SLCO5A1: variants seen among roughly 807,000 people sequenced by gnomAD.
The protein encoded by SLCO5A1 is solute carrier organic anion transporter family member 5A1.
SLCO5A1 carries 39 observed loss-of-function variants against 65.1 expected under a neutral mutation model. The ratio of observed to expected loss-of-function variants is 0.60; its 90% CI spans 0.46 to 0.78. The LOEUF (loss-of-function observed/expected upper bound fraction) is 0.78. Ranked by LOEUF, SLCO5A1 falls within the 30% of genes least tolerant of loss-of-function variation. The pLI, the probability that SLCO5A1 is intolerant of heterozygous loss-of-function variation, is 0.00. For synonymous variants in SLCO5A1, 438 were observed against 415.7 expected (o/e 1.05, Z -0.65); for missense variants, 1,029 against 1,069.4 (o/e 0.96, Z 0.53).
chr8:69,687,456 G>C (rs952408849), intron 6 of SLCO5A1, among the ~76,000 whole-genome samples: 2 of 152,100 alleles, frequency 1.3e-5, no homozygotes, highest in African/African-American at 4.8e-5. Flanking sequence ...TTTAAATCAG[G>C]TGTAACTTGA....
At chr8:69,795,995 T>C (rs1474544162) in intron 2 of SLCO5A1, among the ~76,000 whole-genome samples, 1 of 152,160 alleles carries the variant, frequency 6.6e-6, no homozygotes, top group Non-Finnish European at 1.5e-5. Context: ...GAGGCATGGC[T>C]GAAGTTGGAG....
rs1163306957 is a variant in SLCO5A1 at position 69,667,843 on chromosome 8, A to C, written c.*5026T>G. On this transcript the variant is annotated 3_prime_UTR_variant, in exon 10 of 10. Transcript: ENST00000260126. The stretch of plus-strand genomic sequence containing the variant: ...AAAAGCACTGAGTATTCCATAGAAA[A>C]GTATCCCCCCTTTCACGCTTCATTT... 1 of 152,262 alleles carries C rather than the reference A, an allele frequency of 6.6e-6. No homozygotes were observed. Among genetic ancestry groups the C allele is most frequent in the African/African-American group, 2.4e-5 (1 of 41,468 alleles). 9.4% of individuals were successfully genotyped at this position (152,262 alleles called of 1,614,324 possible). A position where few individuals can be genotyped will look rare whatever the true frequency, so the allele number is the denominator to read the frequency against.
intron 2 of SLCO5A1, among the ~76,000 whole-genome samples, chr8:69,771,220 G>A (rs1818307568): frequency 1.3e-5 from 2 of 152,162 alleles, no homozygotes; most frequent in Admixed American, 6.5e-5. Context: ...CTGACCTCAA[G>A]TGATCTGCCC....
At chr8:69,767,733 T>C (rs577502194) in intron 2 of SLCO5A1, among the ~76,000 whole-genome samples, 1 of 150,644 alleles carries the variant, frequency 6.6e-6, no homozygotes, top group African/African-American at 2.4e-5. Context: ...CTACTAAAAA[T>C]ACAAAAATTA....
At chr8:69,808,834 G>A (rs1046417591) in intron 2 of SLCO5A1, among the ~76,000 whole-genome samples, 4 of 152,168 alleles carry the variant, frequency 2.6e-5, no homozygotes, top group African/African-American at 9.7e-5. Context: ...CCCAGGCGTG[G>A]TGGCTCATGC....
intron 2 of SLCO5A1, among the ~76,000 whole-genome samples, chr8:69,821,697 A>G (rs1820651014): frequency 6.6e-6 from 1 of 151,428 alleles, no homozygotes. Context: ...CCACCTACTC[A>G]GGGAGGCTAA....
Position 69,801,317 on chromosome 8 carries a change from A to T in SLCO5A1, c.907+30450T>A, listed in dbSNP as rs187576494. Among the ~76,000 whole-genome samples, 72 of 152,388 alleles carry T rather than the reference A, an allele frequency of 4.7e-4. 1 individual carries two copies. The highest frequency in any genetic ancestry group is 1.6e-3 in the African/African-American group (67 of 41,600). ...ATTTGGATCCCTCCTATAGATAAAG[A>T]AACATCAACTCAAAGTAGCTTTTAC... On this transcript the variant is annotated intron_variant, in intron 2 of 9. Transcript: ENST00000260126.
chr8:69,777,023 A>G lies in SLCO5A1; in HGVS notation c.908-15148T>C, dbSNP rs373279621. On this transcript the variant is annotated intron_variant, in intron 2 of 9. Transcript: ENST00000260126. ...TCAGTAGTGTCTTAAGGAGTCAAAC[A>G]TATACATATCACTTGATTCAACCAT... Among the ~76,000 whole-genome samples the G allele has an allele frequency of 1.1e-4, 16 of 152,360 alleles. 1 individual carries two copies. The highest frequency in any genetic ancestry group is 3.8e-4 in the African/African-American group (16 of 41,588).
intron 6 of SLCO5A1, among the ~76,000 whole-genome samples, chr8:69,688,591 GT>G (rs11354919): frequency 0.37 from 56,155 of 150,588 alleles, 10,536 homozygotes; most frequent in South Asian, 0.55. Context: ...GCGGTGTTTG[GT>G]TTTTTTGTCC....
At chr8:69,810,904 A>G (rs898369076) in intron 2 of SLCO5A1, among the ~76,000 whole-genome samples, 3 of 152,176 alleles carry the variant, frequency 2.0e-5, no homozygotes, top group Non-Finnish European at 4.4e-5. Context: ...TTCGGTCTAC[A>G]TCCCCAAACA....
intron 5 of SLCO5A1, among the ~76,000 whole-genome samples, chr8:69,710,951 A>C (rs79812619): frequency 0.056 from 8,576 of 152,164 alleles, 294 homozygotes; most frequent in East Asian, 0.086. Flanking sequence ...GCTTTGGGGA[A>C]TTATACGCGT....
chr8:69,690,174 G>A (rs571299314), intron 6 of SLCO5A1, among the ~76,000 whole-genome samples: 21 of 152,224 alleles, frequency 1.4e-4, no homozygotes, highest in African/African-American at 4.8e-4. Context: ...CGTTCCCTTG[G>A]CTGTGGTTTC....
chr8:69,757,913 T>C (rs1001689118), intron 3 of SLCO5A1, among the ~76,000 whole-genome samples: 8 of 152,140 alleles, frequency 5.3e-5, no homozygotes, highest in African/African-American at 1.9e-4. Context: ...CAGTGTAGTG[T>C]AGGGGACAAC....
chr8:69,717,930 A>T (rs1815632759), intron 5 of SLCO5A1, among the ~76,000 whole-genome samples: 1 of 152,170 alleles, frequency 6.6e-6, no homozygotes, highest in East Asian at 1.9e-4. Context: ...GAACACACAA[A>T]ATCTACTCTT....
At chr8:69,714,046 A>G (rs1815397670) in intron 5 of SLCO5A1, among the ~76,000 whole-genome samples, 4 of 152,262 alleles carry the variant, frequency 2.6e-5, no homozygotes, top group Non-Finnish European at 4.4e-5. Flanking sequence ...GAGAAGAGAC[A>G]GCGCGATAAG....
intron 2 of SLCO5A1, among the ~76,000 whole-genome samples, chr8:69,784,894 G>T (rs543580687): frequency 1.6e-5 from 1 of 64,408 alleles, no homozygotes; most frequent in South Asian, 5.2e-4. Context: ...AAAGAAGAAA[G>T]GAAGAAAGAA....
At chr8:69,810,993 T>A (rs868762251) in intron 2 of SLCO5A1, among the ~76,000 whole-genome samples, 1 of 152,106 alleles carries the variant, frequency 6.6e-6, no homozygotes, top group Non-Finnish European at 1.5e-5. Flanking sequence ...AAGGCCCATA[T>A]CTGCATTTCC....
chr8:69,790,080 C>A (rs1235783981), intron 2 of SLCO5A1, among the ~76,000 whole-genome samples: 1 of 151,364 alleles, frequency 6.6e-6, no homozygotes, highest in Non-Finnish European at 1.5e-5. Flanking sequence ...GCAATCCCAG[C>A]TACTCGGGAG....
chr8:69,687,842 A>G (rs1814067879), intron 6 of SLCO5A1, among the ~76,000 whole-genome samples: 1 of 151,442 alleles, frequency 6.6e-6, no homozygotes, highest in Non-Finnish European at 1.5e-5. Flanking sequence ...ACATATTTTA[A>G]CATATATATA....
Sources: gnomAD v4.1 joint callset for allele counts (sites outside exome capture counted in the v4.1 genomes callset) on GRCh38, gnomAD v4.1.1 for gene constraint, MANE v1.5 for transcripts, NCBI Gene and HGNC (gene_info 2026-07-23, HGNC 2026-07-21) for gene names.